Variants in CSMD2 observed in about 807,000 individuals in gnomAD.
The protein encoded by CSMD2 is CUB and Sushi multiple domains 2.
Under a neutral mutation model 398.5 loss-of-function variants are expected in CSMD2, and 130 were observed. The observed-to-expected ratio is 0.33, with a 90% CI of 0.28 to 0.38. The LOEUF (loss-of-function observed/expected upper bound fraction) is 0.38, where lower values mean the gene tolerates loss of function less well. Ranked by LOEUF, CSMD2 falls within the 10% of genes least tolerant of loss-of-function variation. The pLI is 1.00. For synonymous variants in CSMD2, 1,828 were observed against 1,908.5 expected (o/e 0.96, Z 1.10); for missense variants, 3,829 against 4,764.9 (o/e 0.80, Z 5.78).
At chr1:33,817,701 C>T (rs1657631556) in intron 9 of CSMD2, among the ~76,000 whole-genome samples, 1 of 152,248 alleles carries the variant, frequency 6.6e-6, no homozygotes, top group South Asian at 2.1e-4. Context: ...TAAACAAGGA[C>T]TGCCTCATCT....
chr1:34,133,250 T>A (rs971119725), intron 1 of CSMD2, among the ~76,000 whole-genome samples: 12 of 152,186 alleles, frequency 7.9e-5, no homozygotes, highest in African/African-American at 1.9e-4. Flanking sequence ...AATGATATCA[T>A]CCCAGTATCT....
chr1:33,712,295 C>A (rs1450471660), intron 21 of CSMD2, among the ~76,000 whole-genome samples: 3 of 152,024 alleles, frequency 2.0e-5, no homozygotes, highest in African/African-American at 7.2e-5. Context: ...TTCAGGGGCC[C>A]CTGATGTCAG....
intron 1 of CSMD2, among the ~76,000 whole-genome samples, chr1:34,153,510 C>G (rs1203325596): frequency 6.6e-6 from 1 of 152,208 alleles, no homozygotes; most frequent in African/African-American, 2.4e-5. Flanking sequence ...CTGCTCTGAG[C>G]CTGTGTGTAG....
intron 1 of CSMD2, among the ~76,000 whole-genome samples, chr1:34,162,060 T>G (rs1257596551): frequency 6.6e-6 from 1 of 150,738 alleles, no homozygotes; most frequent in Admixed American, 6.7e-5. Flanking sequence ...TAATCACAGC[T>G]ACTCAGGAGG....
intron 6 of CSMD2, among the ~76,000 whole-genome samples, chr1:33,846,662 C>T (rs538101094): frequency 6.6e-6 from 1 of 152,318 alleles, no homozygotes; most frequent in Admixed American, 6.5e-5. Flanking sequence ...ATGTGAGGGG[C>T]AGCTCCAGCT....
intron 2 of CSMD2, among the ~76,000 whole-genome samples, chr1:34,048,377 C>T (rs1652791229): frequency 6.6e-6 from 1 of 152,156 alleles, no homozygotes; most frequent in Admixed American, 6.5e-5. Context: ...TGAGATTTAC[C>T]CAGGCCCTCA....
chr1:34,161,512 A>C (rs1641325355), intron 1 of CSMD2, among the ~76,000 whole-genome samples: 2 of 152,244 alleles, frequency 1.3e-5, no homozygotes, highest in South Asian at 4.1e-4. Flanking sequence ...AGGAACACGC[A>C]AGAGATAGGA....
intron 1 of CSMD2, among the ~76,000 whole-genome samples, chr1:34,127,453 G>C (rs1030534564): frequency 6.6e-6 from 1 of 152,136 alleles, no homozygotes; most frequent in African/African-American, 2.4e-5. Context: ...CTGGGCTCTG[G>C]GAACTGGGGA....
chr1:33,943,402 G>A (rs958976086), intron 3 of CSMD2, among the ~76,000 whole-genome samples: 4 of 152,082 alleles, frequency 2.6e-5, no homozygotes, highest in Non-Finnish European at 5.9e-5. Flanking sequence ...AGCCCTCCTT[G>A]ATACCCTAAG....
At chr1:33,726,730 T>G in intron 15 of CSMD2, 45 bp from the exon 16 acceptor site, 1 of 1,566,834 alleles carries the variant, frequency 6.4e-7, no homozygotes, top group African/African-American at 1.4e-5. Flanking sequence ...CAGGGACAAA[T>G]GAGTAAACAA....
intron 10 of CSMD2, among the ~76,000 whole-genome samples, chr1:33,808,006 A>G (rs1172034874): frequency 6.6e-6 from 1 of 152,124 alleles, no homozygotes; most frequent in African/African-American, 2.4e-5. Context: ...GGTTAAAAAC[A>G]TTACTACAGA....
intron 10 of CSMD2, among the ~76,000 whole-genome samples, chr1:33,810,524 G>A (rs1215991090): frequency 3.3e-5 from 5 of 152,180 alleles, no homozygotes; most frequent in African/African-American, 1.2e-4. Context: ...TAAGCTGAAC[G>A]ATGGCTGCAC....
intron 12 of CSMD2, among the ~76,000 whole-genome samples, chr1:33,774,178 C>T (rs1305108138): frequency 6.6e-6 from 1 of 151,580 alleles, no homozygotes; most frequent in Non-Finnish European, 1.5e-5. Context: ...CAAGGGTCCT[C>T]CCCTTTGTGC....
At chr1:33,534,876 A>C (rs575481433) in intron 62 of CSMD2, among the ~76,000 whole-genome samples, 1 of 152,298 alleles carries the variant, frequency 6.6e-6, no homozygotes, top group East Asian at 1.9e-4. Flanking sequence ...TTCTGCCTAC[A>C]AAATGTATCC....
Position 33,633,317 on chromosome 1 carries a change from A to G in CSMD2, c.5200+105T>C, listed in dbSNP as rs1441707899. The G allele has an allele frequency of 1.2e-6, 1 of 801,686 alleles. No homozygotes were observed. Among genetic ancestry groups the G allele is most frequent in the Non-Finnish European group, 2.1e-6 (1 of 478,502 alleles). 49.7% of individuals were successfully genotyped at this position (801,686 alleles called of 1,614,324 possible). A position where few individuals can be genotyped will look rare whatever the true frequency, so the allele number is the denominator to read the frequency against. On this transcript the variant is annotated intron_variant, in intron 32 of 70. Transcript: ENST00000373381. The surrounding 1 kb of genome is among the most constrained non-coding windows in gnomAD (Gnocchi z 5.0). ...GAACACGACAGGCACGCAGAGCCGT[A>G]GGGTTCCACCTGCGGCCATGGGGTG...
chr1:33,671,684 T>C (rs955093560), intron 25 of CSMD2, among the ~76,000 whole-genome samples: 12 of 152,124 alleles, frequency 7.9e-5, no homozygotes, highest in African/African-American at 2.9e-4. Flanking sequence ...GAGACTCCAC[T>C]GTGCTTTGCT....
chr1:33,753,959 C>T (rs998556133), intron 13 of CSMD2, among the ~76,000 whole-genome samples: 2 of 152,144 alleles, frequency 1.3e-5, no homozygotes, highest in Admixed American at 1.3e-4. Flanking sequence ...AAATAATTTG[C>T]TTTTGATCTC....
chr1:34,074,269 A>G (rs1049917142), intron 2 of CSMD2, among the ~76,000 whole-genome samples: 4 of 152,154 alleles, frequency 2.6e-5, no homozygotes, highest in Non-Finnish European at 4.4e-5. Flanking sequence ...CCACCTCCTA[A>G]AGGTGTTGTT....
chr1:33,801,003 C>T lies in CSMD2; in HGVS notation c.1447-8477G>A, dbSNP rs1375692349. ...GAACAAATGGGCCAACGAGTATGTC[C>T]CTGACATTTGCACTAGCTGCCGATC... is the stretch of plus-strand genomic sequence containing the variant. On this transcript the variant is annotated intron_variant, in intron 10 of 70. Transcript: ENST00000373381. 5.9e-5 allele frequency among the ~76,000 whole-genome samples: 9 copies of T among 152,174 alleles called. No individual in the cohort carries two copies. In the East Asian group the frequency reaches 1.7e-3, roughly 29 times the overall value.
Sources: allele counts gnomAD v4.1 joint callset (sites outside exome capture counted in the v4.1 genomes callset), GRCh38; gene constraint gnomAD v4.1.1; non-coding constraint Gnocchi (gnomAD v3.1); transcripts MANE v1.5; gene names NCBI Gene and HGNC (gene_info 2026-07-23, HGNC 2026-07-21).